SEPTIN11: variants seen among roughly 807,000 people sequenced by gnomAD.
The protein encoded by SEPTIN11 is septin 11, also known as septin-11.
In SEPTIN11, 25 loss-of-function variants were observed where a neutral mutation model predicts 51.4. The observed-to-expected ratio is 0.49, with a 90% CI of 0.35 to 0.68. SEPTIN11 has a LOEUF of 0.68. Ranked by LOEUF, SEPTIN11 falls within the 30% of genes least tolerant of loss-of-function variation. The probability of loss-of-function intolerance (pLI) is 0.00; values close to 1 mark genes in which losing one functional copy is unlikely to be tolerated. For missense variants in SEPTIN11, 381 were observed against 520.8 expected, an observed-to-expected ratio of 0.73 and a Z score of 2.61; for synonymous variants, 174 against 184.1, an observed-to-expected ratio of 0.95 and a Z score of 0.44.
intron 1 of SEPTIN11, among the ~76,000 whole-genome samples, chr4:76,988,638 G>A (rs1723176089): frequency 1.3e-5 from 2 of 152,308 alleles, no homozygotes; most frequent in South Asian, 4.1e-4. Flanking sequence ...AGCCTCCCAA[G>A]TAGCTGGGAT....
intron 1 of SEPTIN11, chr4:76,974,793 G>A (rs1409578967): frequency 4.4e-6 from 2 of 456,730 alleles, no homozygotes; most frequent in East Asian, 7.0e-5. Context: ...CCTCAATGCA[G>A]TTGGATATTT....
Position 77,034,554 on chromosome 4 carries a change from G to T in SEPTIN11, c.*42G>T. 1.3e-6 allele frequency: 2 copies of T among 1,532,254 alleles called. No individual in the cohort carries two copies. The highest frequency in any genetic ancestry group is 1.3e-5 in the South Asian group (1 of 74,730). 94.9% of individuals were successfully genotyped at this position (1,532,254 alleles called of 1,614,324 possible). Reference sequence around the variant, plus strand: ...GATGTTCCCGCATTCACCTGCTTTTGCAGTAATATCGTATCTCTGCCATGT... The same window carrying T: ...GATGTTCCCGCATTCACCTGCTTTTTCAGTAATATCGTATCTCTGCCATGT... On this transcript the variant is annotated 3_prime_UTR_variant, in exon 10 of 10. Coordinates refer to ENST00000264893, the MANE Select transcript of SEPTIN11 (RefSeq NM_018243.4).
At chr4:76,952,896 C>G (rs916166888) in intron 1 of SEPTIN11, among the ~76,000 whole-genome samples, 4 of 152,156 alleles carry the variant, frequency 2.6e-5, no homozygotes, top group African/African-American at 7.2e-5. Flanking sequence ...TTATTTTAAA[C>G]AGAACATGGC....
At chr4:77,016,655 T>TATATATATATATATATACAC (rs1553975019) in intron 5 of SEPTIN11, among the ~76,000 whole-genome samples, 1 of 109,022 alleles carries the variant, frequency 9.2e-6, no homozygotes, top group African/African-American at 3.3e-5. Flanking sequence ...TATATATATA[T>TATATATATATATATATACAC]ACACATATAT....
At chr4:77,034,152 T>C (rs1313245294) in intron 9 of SEPTIN11, among the ~76,000 whole-genome samples, 1 of 152,256 alleles carries the variant, frequency 6.6e-6, no homozygotes, top group Non-Finnish European at 1.5e-5. Context: ...TCAGTACTAA[T>C]GGGACACCCA....
Position 77,030,712 on chromosome 4 carries a change from C to G in SEPTIN11, c.1087-71C>G, listed in dbSNP as rs151004685. 1,132 of 1,423,916 alleles carry G rather than the reference C, an allele frequency of 7.9e-4. 12 individuals are homozygous for G. In the African/African-American group the frequency reaches 0.015, roughly 19 times the overall value. The allele number at this position is 1,423,916 out of a possible 1,614,324, so 88.2% of individuals were successfully genotyped here. On this transcript the variant is annotated intron_variant, in intron 8 of 9. Coordinates refer to ENST00000264893, the MANE Select transcript of SEPTIN11 (RefSeq NM_018243.4). ...GCCTGGCCATGTTTTGTTTTTTGAACAGATCCAAAGAACTTTACATCAAAA... is the reference window on the plus strand; with the variant it reads ...GCCTGGCCATGTTTTGTTTTTTGAAGAGATCCAAAGAACTTTACATCAAAA...
chr4:77,020,495 CTT>C lies in SEPTIN11; in HGVS notation c.785-6_785-5del, dbSNP rs761174913. ...CCCACTTCCGCCATTTCCCCCCTCTCTTGTAGTTGAGAATGAAAATCATTGCG... is the reference window on the plus strand; with the variant it reads ...CCCACTTCCGCCATTTCCCCCCTCTCGTAGTTGAGAATGAAAATCATTGCG... On this transcript the variant is annotated splice_polypyrimidine_tract_variant and splice_region_variant and intron_variant, in intron 6 of 9. Transcript: ENST00000264893. 6.4e-5 allele frequency: 104 copies of C among 1,613,418 alleles called. 1 individual carries two copies. The highest frequency in any genetic ancestry group is 8.8e-5 in the South Asian group (8 of 91,002).
At chr4:77,005,578 A>T (rs775860631) in intron 2 of SEPTIN11, 23 bp from the exon 3 acceptor site, 1 of 1,598,930 alleles carries the variant, frequency 6.3e-7, no homozygotes, top group Admixed American at 1.7e-5. Context: ...ACATTCTCTG[A>T]TTTTTCTTTT....
chr4:76,976,644 A>G (rs1722516470), intron 1 of SEPTIN11, among the ~76,000 whole-genome samples: 1 of 152,228 alleles, frequency 6.6e-6, no homozygotes, highest in Non-Finnish European at 1.5e-5. Context: ...CCCACTCTGT[A>G]GTATCTTCTT....
intron 1 of SEPTIN11, among the ~76,000 whole-genome samples, chr4:76,951,806 G>T (rs1246370443): frequency 6.6e-6 from 1 of 152,146 alleles, no homozygotes; most frequent in Non-Finnish European, 1.5e-5. Flanking sequence ...TTGTGTGGCC[G>T]TAATCACATC....
chr4:76,998,016 G>A (rs1187529445), intron 2 of SEPTIN11, among the ~76,000 whole-genome samples: 1 of 152,086 alleles, frequency 6.6e-6, no homozygotes, highest in East Asian at 1.9e-4. Flanking sequence ...GTGGTGTGCA[G>A]TGGGGTGTGC....
At position 77,035,430 on chromosome 4, in the gene SEPTIN11, A is replaced by G. The variant is rs1726960622; in HGVS notation, c.*918A>G. On this transcript the variant is annotated 3_prime_UTR_variant, in exon 10 of 10. Transcript: ENST00000264893. ...ATTCCAGGATACTTGTACTTCTAAT[A>G]ACATTTTTCATGAATCATGAGAAAA... 1 of 985,256 alleles carries G rather than the reference A, an allele frequency of 1.0e-6. No homozygotes were observed. The highest frequency in any genetic ancestry group is 1.2e-6 in the Non-Finnish European group (1 of 829,866). The allele number at this position is 985,256 out of a possible 1,614,324, so 61.0% of individuals were successfully genotyped here. A position where few individuals can be genotyped will look rare whatever the true frequency, so the allele number is the denominator to read the frequency against.
chr4:76,959,704 TAATC>T (rs145622797), intron 1 of SEPTIN11, among the ~76,000 whole-genome samples: 2,992 of 152,216 alleles, frequency 0.02, 67 homozygotes, highest in South Asian at 0.068. Flanking sequence ...TGAAAAAAAA[TAATC>T]AAAGTTTTGG....
At chr4:77,018,410 C>G (rs902359317) in intron 5 of SEPTIN11, among the ~76,000 whole-genome samples, 3 of 150,672 alleles carry the variant, frequency 2.0e-5, no homozygotes, top group South Asian at 2.1e-4. Context: ...GATCGCGCCA[C>G]TGCACTCCAG....
At chr4:76,987,590 C>G (rs1723103085) in intron 1 of SEPTIN11, among the ~76,000 whole-genome samples, 2 of 152,092 alleles carry the variant, frequency 1.3e-5, no homozygotes, top group African/African-American at 4.8e-5. Context: ...CATTAACCTT[C>G]TTTTTTTAAA....
In SEPTIN11 at chr4:77,036,674, C is replaced by T; in HGVS notation, c.*2162C>T. 17 of 1,515,236 alleles carry T rather than the reference C, an allele frequency of 1.1e-5. No individual in the cohort carries two copies. The highest frequency in any genetic ancestry group is 1.3e-5 in the Non-Finnish European group (15 of 1,140,856). The allele number at this position is 1,515,236 out of a possible 1,614,324, so 93.9% of individuals were successfully genotyped here. Reference sequence around the variant, plus strand: ...GCTTTTTTTTTTAAAAAATGTATTGCTTCTGAACTTTTTTCTGCCACTGCT... The same window carrying T: ...GCTTTTTTTTTTAAAAAATGTATTGTTTCTGAACTTTTTTCTGCCACTGCT... On this transcript the variant is annotated 3_prime_UTR_variant, in exon 10 of 10. Transcript: ENST00000264893.
At chr4:77,021,467 T>C (rs1486087731) in intron 7 of SEPTIN11, 1 of 152,312 alleles carries the variant, frequency 6.6e-6, no homozygotes, top group African/African-American at 2.4e-5. Flanking sequence ...CCCAAGCAGT[T>C]TTCTTTCTTT....
In SEPTIN11 at chr4:77,005,812, T is replaced by G; in HGVS notation, c.338+16T>G. On this transcript the variant is annotated intron_variant, in intron 3 of 9. Transcript: ENST00000264893. ...AAGATGACAGGTACATCTTGGGATT[T>G]TGGGGGGACATGAATGGATGAGGAG... 6.2e-7 allele frequency: 1 copy of G among 1,609,942 alleles called. No individual in the cohort carries two copies. Among genetic ancestry groups the G allele is most frequent in the Admixed American group, 1.7e-5 (1 of 59,780 alleles).
intron 8 of SEPTIN11, among the ~76,000 whole-genome samples, chr4:77,029,765 TATAC>T (rs1255704149): frequency 2.0e-5 from 3 of 150,990 alleles, no homozygotes; most frequent in South Asian, 4.2e-4. Context: ...TATATATATA[TATAC>T]ACACACACAC....
Sources: gnomAD v4.1 joint callset for allele counts (sites outside exome capture counted in the v4.1 genomes callset) on GRCh38, gnomAD v4.1.1 for gene constraint, MANE v1.5 for transcripts, NCBI Gene and HGNC (gene_info 2026-07-23, HGNC 2026-07-21) for gene names.